The following THSD7B variants were observed in gnomAD, a reference collection of about 807,000 sequenced individuals.
THSD7B encodes thrombospondin type 1 domain containing 7B.
In THSD7B, 138 loss-of-function variants were observed where a neutral mutation model predicts 213.6. That is an observed-to-expected ratio of 0.65 (90% CI 0.56 to 0.74). The LOEUF (loss-of-function observed/expected upper bound fraction) is 0.74. Ranked by LOEUF, THSD7B falls within the 30% of genes least tolerant of loss-of-function variation. The pLI is 0.00. For synonymous variants in THSD7B, 742 were observed against 687.0 expected, an observed-to-expected ratio of 1.08 and a Z score of -1.25; for missense variants, 1,931 against 1,991.5, an observed-to-expected ratio of 0.97 and a Z score of 0.58.
intron 1 of THSD7B, among the ~76,000 whole-genome samples, chr2:136,788,526 G>GA (rs1481026557): frequency 6.6e-6 from 1 of 151,990 alleles, no homozygotes; most frequent in Non-Finnish European, 1.5e-5. Context: ...CTCAGCTCAG[G>GA]AAAAAAATAT....
intron 2 of THSD7B, among the ~76,000 whole-genome samples, chr2:136,950,384 T>C (rs1685016028): frequency 6.6e-6 from 1 of 152,216 alleles, no homozygotes; most frequent in African/African-American, 2.4e-5. Flanking sequence ...TATACATATG[T>C]AGCAAACCTG....
intron 1 of THSD7B, among the ~76,000 whole-genome samples, chr2:136,770,935 G>T (rs572587626): frequency 6.6e-6 from 1 of 151,960 alleles, no homozygotes; most frequent in East Asian, 1.9e-4. Flanking sequence ...TGTTTTCTTA[G>T]AAAATATAAA....
Position 137,667,873 on chromosome 2 carries a change from T to C in THSD7B, c.4739+12T>C, listed in dbSNP as rs773432833. The C allele has an allele frequency of 6.4e-7, 1 of 1,561,096 alleles. No individual in the cohort carries two copies. Among genetic ancestry groups the C allele is most frequent in the African/African-American group, 1.4e-5 (1 of 73,600 alleles). On this transcript the variant is annotated intron_variant, in intron 27 of 27. Transcript: ENST00000409968. The stretch of plus-strand genomic sequence containing the variant: ...TCCTACCTTGTTTGGTAAGTACTAA[T>C]TAGTAAAAAGTTTATGTTCCGTATT...
At chr2:136,768,253 A>C (rs1681442906) in intron 1 of THSD7B, among the ~76,000 whole-genome samples, 2 of 152,328 alleles carry the variant, frequency 1.3e-5, no homozygotes, top group Admixed American at 1.3e-4. Context: ...TGTTGTCCTT[A>C]AATGATAGAC....
At chr2:137,000,702 A>T (rs1685984634) in intron 2 of THSD7B, among the ~76,000 whole-genome samples, 1 of 152,170 alleles carries the variant, frequency 6.6e-6, no homozygotes, top group Non-Finnish European at 1.5e-5. Flanking sequence ...TAAGTTCTGT[A>T]GTCTATACTA....
At chr2:137,200,101 A>G (rs1356531474) in intron 7 of THSD7B, among the ~76,000 whole-genome samples, 2 of 152,158 alleles carry the variant, frequency 1.3e-5, no homozygotes, top group Admixed American at 1.3e-4. Context: ...TCTTACTCAA[A>G]TTTTTAAATC....
intron 12 of THSD7B, among the ~76,000 whole-genome samples, chr2:137,290,443 C>T (rs796091018): frequency 1.8e-4 from 28 of 152,192 alleles, no homozygotes; most frequent in African/African-American, 6.7e-4. Flanking sequence ...GCAGTTTTCT[C>T]CCGATGCTTA....
intron 17 of THSD7B, among the ~76,000 whole-genome samples, chr2:137,583,368 T>C (rs112644056): frequency 6.6e-6 from 1 of 152,068 alleles, no homozygotes; most frequent in Non-Finnish European, 1.5e-5. Flanking sequence ...CAATTTTGGC[T>C]TTTGTTGCCG....
chr2:136,989,533 C>T (rs1685726921), intron 2 of THSD7B, among the ~76,000 whole-genome samples: 1 of 152,188 alleles, frequency 6.6e-6, no homozygotes, highest in Non-Finnish European at 1.5e-5. Flanking sequence ...CAGATGCTGG[C>T]ACCATGCTTG....
In THSD7B at chr2:137,138,060, T is replaced by A. The variant is rs185119485; in HGVS notation, c.1370-22153T>A. ...AACCACCATACCTGGTTAATTTTTT[T>A]AAAATAGTTCTTTTGTACAGATGGG... On this transcript the variant is annotated intron_variant, in intron 5 of 27. Coordinates refer to ENST00000409968, the MANE Select transcript of THSD7B (RefSeq NM_001316349.2). Among the ~76,000 whole-genome samples, 365 of 152,156 alleles carry A rather than the reference T, an allele frequency of 2.4e-3. 4 individuals carry two copies. The East Asian group carries it at 0.026, about 11-fold the overall frequency.
intron 6 of THSD7B, among the ~76,000 whole-genome samples, chr2:137,161,202 T>C (rs1362938271): frequency 6.6e-6 from 1 of 152,192 alleles, no homozygotes; most frequent in Non-Finnish European, 1.5e-5. Context: ...TCAAAATACG[T>C]GTCTTCATCT....
chr2:137,019,446 G>A (rs1398993149), intron 2 of THSD7B, among the ~76,000 whole-genome samples: 2 of 152,174 alleles, frequency 1.3e-5, no homozygotes. Flanking sequence ...GTGTGTAACC[G>A]AGCAAACCCT....
At chr2:137,175,430 T>G (rs927100209) in intron 7 of THSD7B, among the ~76,000 whole-genome samples, 3 of 152,208 alleles carry the variant, frequency 2.0e-5, no homozygotes, top group African/African-American at 7.2e-5. Context: ...GTTAGAGTTC[T>G]GCAGTGTTGC....
chr2:137,544,888 C>T (rs551121880), intron 15 of THSD7B, among the ~76,000 whole-genome samples: 1 of 151,880 alleles, frequency 6.6e-6, no homozygotes, highest in Non-Finnish European at 1.5e-5. Flanking sequence ...CATGCCTCCT[C>T]ATACTATTAT....
chr2:137,557,144 G>C (rs111458384), intron 15 of THSD7B, among the ~76,000 whole-genome samples: 11,214 of 152,140 alleles, frequency 0.074, 446 homozygotes, highest in African/African-American at 0.09. Context: ...AAGACAGAAA[G>C]TTAAGAGGGA....
At chr2:137,079,129 G>T (rs1687691146) in intron 3 of THSD7B, among the ~76,000 whole-genome samples, 1 of 151,694 alleles carries the variant, frequency 6.6e-6, no homozygotes, top group Non-Finnish European at 1.5e-5. Context: ...GACCAGCCTG[G>T]GCAACATAGT....
intron 19 of THSD7B, among the ~76,000 whole-genome samples, chr2:137,619,747 C>A (rs1013006806): frequency 2.0e-5 from 3 of 152,118 alleles, no homozygotes; most frequent in African/African-American, 7.2e-5. Context: ...GTAAAAAATA[C>A]CAGTTTAAAG....
At chr2:137,639,672 T>C (rs1682902068) in intron 20 of THSD7B, among the ~76,000 whole-genome samples, 1 of 152,168 alleles carries the variant, frequency 6.6e-6, no homozygotes, top group South Asian at 2.1e-4. Context: ...GGGATGGAGC[T>C]GCCCAAGACC....
intron 14 of THSD7B, among the ~76,000 whole-genome samples, chr2:137,436,221 C>G (rs1455447670): frequency 6.6e-6 from 1 of 151,872 alleles, no homozygotes; most frequent in Non-Finnish European, 1.5e-5. Context: ...TTGTTTATTT[C>G]TGATAGATAA....
Sources: gnomAD v4.1 joint callset for allele counts (sites outside exome capture counted in the v4.1 genomes callset) on GRCh38, gnomAD v4.1.1 for gene constraint, MANE v1.5 for transcripts, NCBI Gene and HGNC (gene_info 2026-07-23, HGNC 2026-07-21) for gene names.